The following NUMA1 variants were observed in gnomAD, a reference collection of about 807,000 sequenced individuals.
The protein encoded by NUMA1 is nuclear mitotic apparatus protein 1, also known as SP-H antigen.
A neutral mutation model predicts 237.1 loss-of-function variants in NUMA1; 62 were observed. The observed-to-expected ratio is 0.26, with a 90% CI of 0.21 to 0.32. The LOEUF (loss-of-function observed/expected upper bound fraction) is 0.32, where lower values mean the gene tolerates loss of function less well. Ranked by LOEUF, NUMA1 falls within the 10% of genes least tolerant of loss-of-function variation. NUMA1 has a pLI of 1.00. For synonymous variants in NUMA1, 1,028 were observed against 1,066.1 expected, an observed-to-expected ratio of 0.96 and a Z score of 0.70; for missense variants, 2,533 against 2,666.5, an observed-to-expected ratio of 0.95 and a Z score of 1.10.
At chr11:72,017,208 G>A (rs890193936) in intron 13 of NUMA1, 2 of 188,638 alleles carry the variant, frequency 1.1e-5, no homozygotes, top group Admixed American at 1.1e-4. Flanking sequence ...CAGATGCTAA[G>A]TGCCTTGATC....
At chr11:72,017,560 A>T in intron 13 of NUMA1, 127 bp downstream of exon 13, 1 of 1,160,270 alleles carries the variant, frequency 8.6e-7, no homozygotes, top group Non-Finnish European at 1.3e-6. Context: ...TTTCAATTAC[A>T]GCACACTATT....
intron 2 of NUMA1, among the ~76,000 whole-genome samples, chr11:72,061,485 C>CTTTTTTTTTTTTTT (rs767581846): frequency 8.5e-6 from 1 of 117,318 alleles, no homozygotes; most frequent in African/African-American, 3.2e-5. Flanking sequence ...TGTTTCTTTT[C>CTTTTTTTTTTTTTT]TTTTTTTTTT....
At position 72,022,353 on chromosome 11, in the gene NUMA1, C is replaced by G. The variant is rs746018990; in HGVS notation, c.358G>C (p.Glu120Gln). The G allele has an allele frequency of 6.2e-7, 1 of 1,613,156 alleles. No individual in the cohort carries two copies. Among genetic ancestry groups the G allele is most frequent in the Non-Finnish European group, 8.5e-7 (1 of 1,179,300 alleles). Residue 120 changes from glutamate to glutamine, a missense_variant, in exon 7 of 27, where the codon GAA becomes CAA. Glu to Gln is a conservative substitution (Grantham distance 29). Transcript: ENST00000393695. ...CAAGGGCTTACCTGAATTTTATATT[C>G]AAACTGTTCCCAGTCCCTGGGACTT... ...SKSPRDWEQF[E>Q]YKIQAELAVI...
intron 7 of NUMA1, among the ~76,000 whole-genome samples, chr11:72,021,814 A>G (rs1248577034): frequency 6.6e-6 from 1 of 152,108 alleles, no homozygotes; most frequent in Non-Finnish European, 1.5e-5. Flanking sequence ...GGGTCTCGCT[A>G]TGTTACCCAG....
At chr11:72,059,359 C>G (rs1173556366) in intron 2 of NUMA1, among the ~76,000 whole-genome samples, 1 of 152,186 alleles carries the variant, frequency 6.6e-6, no homozygotes, top group Admixed American at 6.5e-5. Flanking sequence ...TCACTGCAAC[C>G]TCAACCACCT....
intron 4 of NUMA1, among the ~76,000 whole-genome samples, chr11:72,026,289 C>T (rs375511754): frequency 6.6e-6 from 1 of 152,246 alleles, no homozygotes; most frequent in East Asian, 1.9e-4. Flanking sequence ...AATGCAACTG[C>T]ACCATTTACA....
intron 1 of NUMA1, among the ~76,000 whole-genome samples, chr11:72,072,468 T>G (rs1943496147): frequency 6.6e-6 from 1 of 152,152 alleles, no homozygotes; most frequent in African/African-American, 2.4e-5. Context: ...GCTGAATCAC[T>G]GGTATTTCCT....
chr11:72,076,990 T>C (rs1168061883), intron 1 of NUMA1, among the ~76,000 whole-genome samples: 1 of 151,790 alleles, frequency 6.6e-6, no homozygotes, highest in African/African-American at 2.4e-5. Context: ...TTCTAATAAA[T>C]GAAAAAGTTA....
chr11:72,012,663 G>A (rs1956234178), intron 15 of NUMA1, among the ~76,000 whole-genome samples: 1 of 149,584 alleles, frequency 6.7e-6, no homozygotes, highest in Admixed American at 6.6e-5. Flanking sequence ...ATCACAACTT[G>A]ACTCTCTAGT....
At chr11:72,006,941 G>T (rs1282016049) in intron 21 of NUMA1, among the ~76,000 whole-genome samples, 1 of 152,240 alleles carries the variant, frequency 6.6e-6, no homozygotes, top group African/African-American at 2.4e-5. Flanking sequence ...ACCCTGCACA[G>T]GCTCAGTGCT....
intron 2 of NUMA1, among the ~76,000 whole-genome samples, chr11:72,051,369 T>A (rs1942351363): frequency 6.6e-6 from 1 of 152,104 alleles, no homozygotes; most frequent in Non-Finnish European, 1.5e-5. Flanking sequence ...CCAAAATACA[T>A]AAGATATGTT....
At chr11:72,036,172 A>T (rs760186179) in intron 2 of NUMA1, among the ~76,000 whole-genome samples, 197 bp from the exon 3 acceptor site, 2 of 152,228 alleles carry the variant, frequency 1.3e-5, no homozygotes, top group African/African-American at 2.4e-5. Flanking sequence ...AGACGACAGG[A>T]AAGAATTGTG....
intron 2 of NUMA1, among the ~76,000 whole-genome samples, chr11:72,056,956 G>C (rs1320401635): frequency 6.7e-6 from 1 of 150,318 alleles, no homozygotes; most frequent in Non-Finnish European, 1.5e-5. Context: ...CATCATCAAT[G>C]ATGAGATATC....
chr11:72,008,800 C>T lies in NUMA1; in HGVS notation c.5104G>A (p.Val1702Met). ...QQLRDLGKFQ[V>M]ATDALKSREP... is the part of the protein sequence containing the mutation. ...CGGCTCTTTAAAGCATCAGTTGCCA[C>T]CTGGAATTTGCCCAGGTCTCGAAGC... Residue 1702 changes from valine to methionine, a missense_variant, in exon 20 of 27, where the codon GTG becomes ATG. This residue lies in a region of NUMA1 where 795 missense variants were observed against 750.8 expected (regional missense o/e 1.06). Coordinates refer to ENST00000393695, the MANE Select transcript of NUMA1 (RefSeq NM_006185.4). 6.2e-7 allele frequency: 1 copy of T among 1,614,112 alleles called. No individual in the cohort carries two copies. Among genetic ancestry groups the T allele is most frequent in the South Asian group, 1.1e-5 (1 of 91,086 alleles).
chr11:72,015,781 C>T lies in NUMA1; in HGVS notation c.1722G>A (p.Gln574=). The T allele has an allele frequency of 6.2e-7, 1 of 1,614,244 alleles. No homozygotes were observed. The highest frequency in any genetic ancestry group is 8.5e-7 in the Non-Finnish European group (1 of 1,180,050). Residue 574 remains glutamine (Q), a synonymous_variant, in exon 15 of 27, where the codon CAG becomes CAA. Coordinates refer to ENST00000393695, the MANE Select transcript of NUMA1 (RefSeq NM_006185.4). The surrounding 1 kb of genome is among the most constrained non-coding windows in gnomAD (Gnocchi z 4.0). ...EQQLKEVAEK[Q]EATRQDHAQQ... is the part of the protein sequence containing the mutation. ...GGGCATGGTCCTGCCTAGTTGCCTC[C>T]TGCTTCTCCGCTACCTCCTTCAACT...
At chr11:72,029,529 T>C (rs1011351050) in intron 3 of NUMA1, among the ~76,000 whole-genome samples, 1 of 152,184 alleles carries the variant, frequency 6.6e-6, no homozygotes. Flanking sequence ...AAGCTTAAAC[T>C]TTCCTAAGAT....
chr11:72,011,533 A>G (rs759776672), intron 16 of NUMA1, among the ~76,000 whole-genome samples: 1 of 152,202 alleles, frequency 6.6e-6, no homozygotes, highest in Admixed American at 6.5e-5. Context: ...GAGTTCAAGC[A>G]TGACCAGGCA....
Position 72,007,301 on chromosome 11 carries a change from G to T in NUMA1, c.5351C>A (p.Ala1784Asp). Reference protein sequence around the residue: ...YFTPIPARSQAPLESSLDSLG... With the variant: ...YFTPIPARSQDPLESSLDSLG... ...GGAGTCCAGGCTGCTCTCCAGGGGGGCCTGACTCCGAGCAGGGATGGGAGT... is the reference window on the plus strand; with the variant it reads ...GGAGTCCAGGCTGCTCTCCAGGGGGTCCTGACTCCGAGCAGGGATGGGAGT... The change falls in exon 21 of 27, where the codon GCC (alanine) becomes GAC (aspartate). Residue 1784 changes from alanine (A) to aspartate (D), a missense_variant. By Grantham distance (126) the Ala-to-Asp change is moderately radical. Coordinates refer to ENST00000393695, the MANE Select transcript of NUMA1 (RefSeq NM_006185.4). 2 of 1,613,252 alleles carry T rather than the reference G, an allele frequency of 1.2e-6. No individual in the cohort carries two copies. The highest frequency in any genetic ancestry group is 1.7e-6 in the Non-Finnish European group (2 of 1,179,726).
intron 22 of NUMA1, 152 bp from the exon 23 acceptor site, chr11:72,005,521 G>A: frequency 3.0e-6 from 2 of 668,442 alleles, no homozygotes; most frequent in East Asian, 2.9e-5. Context: ...CAGGAGTACG[G>A]CACACAGACT....
Sources: allele counts gnomAD v4.1 joint callset (sites outside exome capture counted in the v4.1 genomes callset), GRCh38; gene constraint gnomAD v4.1.1; regional missense constraint gnomAD v4.1.1; non-coding constraint Gnocchi (gnomAD v3.1); transcripts MANE v1.5; gene names NCBI Gene and HGNC (gene_info 2026-07-23, HGNC 2026-07-21).